The following NTRK3 variants were observed in gnomAD, a reference collection of about 807,000 sequenced individuals.
NTRK3 encodes NT-3 growth factor receptor.
Under a neutral mutation model 91.7 loss-of-function variants are expected in NTRK3, and 24 were observed. That is an observed-to-expected ratio of 0.26 (90% CI 0.19 to 0.37). The LOEUF is 0.37. Ranked by LOEUF, NTRK3 falls within the 10% of genes least tolerant of loss-of-function variation. NTRK3 has a pLI of 1.00. For missense variants in NTRK3, 880 were observed against 1,068.9 expected, an observed-to-expected ratio of 0.82 and a Z score of 2.46; for synonymous variants, 483 against 404.0, an observed-to-expected ratio of 1.20 and a Z score of -2.34.
intron 5 of NTRK3, among the ~76,000 whole-genome samples, chr15:88,156,985 G>C (rs1425380589): frequency 1.3e-5 from 2 of 152,076 alleles, no homozygotes; most frequent in East Asian, 3.9e-4. Context: ...AGTGCACAAA[G>C]AGACTCTGCA....
At chr15:88,135,777 G>A in intron 9 of NTRK3, 122 bp downstream of exon 9, 3 of 1,329,764 alleles carry the variant, frequency 2.3e-6, no homozygotes, top group Middle Eastern at 2.4e-4. Context: ...GAGTCCTTCT[G>A]TCCCTACTGG....
chr15:87,891,456 C>T (rs1022512415), intron 17 of NTRK3, among the ~76,000 whole-genome samples: 1 of 152,180 alleles, frequency 6.6e-6, no homozygotes, highest in Non-Finnish European at 1.5e-5. Flanking sequence ...AAACAAGGTA[C>T]ATTCAAGCAA....
intron 5 of NTRK3, among the ~76,000 whole-genome samples, chr15:88,161,240 T>C (rs1444224783): frequency 6.6e-6 from 1 of 152,158 alleles, no homozygotes; most frequent in Non-Finnish European, 1.5e-5. Flanking sequence ...TATCATCATC[T>C]CTGTTTTACA....
Position 88,233,588 on chromosome 15 carries a change from T to C in NTRK3, c.248+22318A>G, listed in dbSNP as rs1268999469. Among the ~76,000 whole-genome samples the C allele has an allele frequency of 6.6e-6, 1 of 152,160 alleles. No homozygotes were observed. On this transcript the variant is annotated intron_variant, in intron 3 of 18. Transcript: ENST00000394480. The surrounding 1 kb of genome is among the most constrained non-coding windows in gnomAD (Gnocchi z 4.2). ...CCACAGGCCTCCTTAATTTGCAGGC[T>C]AGCCCTACTGTCCTGAAACTCCAAA...
rs1172339991 is a variant in NTRK3 at position 87,884,253 on chromosome 15, T to C, written c.2134-3825A>G. Among the ~76,000 whole-genome samples the C allele has an allele frequency of 2.6e-5, 4 of 151,588 alleles. No individual in the cohort carries two copies. The East Asian group carries it at 7.7e-4, about 29-fold the overall frequency. ...ACTATTACATCCATAAATTTGAAAG[T>C]ATACATGCATTATTGGTTTACTAAA... On this transcript the variant is annotated intron_variant, in intron 17 of 18. Coordinates refer to ENST00000394480, the Ensembl canonical transcript of NTRK3.
At chr15:87,934,985 A>C (rs1256112543) in intron 15 of NTRK3, among the ~76,000 whole-genome samples, 1 of 152,202 alleles carries the variant, frequency 6.6e-6, no homozygotes, top group Non-Finnish European at 1.5e-5. Context: ...AAAAAAGTCG[A>C]AAGTTATCTA....
chr15:88,154,483 T>A (rs1221252011), intron 5 of NTRK3, among the ~76,000 whole-genome samples: 1 of 152,254 alleles, frequency 6.6e-6, no homozygotes, highest in Non-Finnish European at 1.5e-5. Context: ...ACATCATTGA[T>A]ATATTTGCTT....
At chr15:87,958,460 T>A (rs2071901712) in intron 14 of NTRK3, among the ~76,000 whole-genome samples, 1 of 151,992 alleles carries the variant, frequency 6.6e-6, no homozygotes, top group South Asian at 2.1e-4. Flanking sequence ...TGTCTAGTGG[T>A]CTTTCACGTG....
chr15:87,981,115 C>T, intron 14 of NTRK3: 1 of 1,516,578 alleles, frequency 6.6e-7, no homozygotes, highest in Non-Finnish European at 8.9e-7. Context: ...CTAGTCGTAC[C>T]TCAGTCCACG....
chr15:88,135,219 G>A (rs1042970361), exon 10 of NTRK3: 7 of 1,614,134 alleles, frequency 4.3e-6, no homozygotes, highest in African/African-American at 1.3e-5. Context: ...TGAAGAGCAG[G>A]CAGCCCTCGG....
At chr15:88,138,139 C>T (rs569922983) in intron 6 of NTRK3, among the ~76,000 whole-genome samples, 2 of 152,048 alleles carry the variant, frequency 1.3e-5, no homozygotes, top group South Asian at 2.1e-4. Flanking sequence ...CGTGGTGGCT[C>T]ACACCTGTAA....
rs1314895854 is a variant in NTRK3, at chr15:88,241,065, G to C, written c.248+14841C>G. Among the ~76,000 whole-genome samples, 1 of 152,192 alleles carries C rather than the reference G, an allele frequency of 6.6e-6. No individual in the cohort carries two copies. The highest frequency in any genetic ancestry group is 2.4e-5 in the African/African-American group (1 of 41,454). On this transcript the variant is annotated intron_variant, in intron 3 of 18. Transcript: ENST00000394480. This position sits in a 1 kb window ranked among gnomAD's most constrained non-coding sequence, Gnocchi z 4.3. Reference sequence around the variant, plus strand: ...GGTGGGGGCTCTTGGGGACAGAGCTGAATAAGCCTCAATGCCAGCCTTCAG... The same window carrying C: ...GGTGGGGGCTCTTGGGGACAGAGCTCAATAAGCCTCAATGCCAGCCTTCAG...
At position 88,255,164 on chromosome 15, in the gene NTRK3, T is replaced by G. The variant is rs1268912253; in HGVS notation, c.248+742A>C. Among the ~76,000 whole-genome samples the G allele has an allele frequency of 6.6e-6, 1 of 151,932 alleles. No individual in the cohort carries two copies. Among genetic ancestry groups the G allele is most frequent in the Non-Finnish European group, 1.5e-5 (1 of 68,004 alleles). On this transcript the variant is annotated intron_variant, in intron 3 of 18. Coordinates refer to ENST00000394480, the Ensembl canonical transcript of NTRK3. This position sits in a 1 kb window ranked among gnomAD's most constrained non-coding sequence, Gnocchi z 4.3. Reference sequence around the variant, plus strand: ...TCTCCTCTCCCTGCGCCATCCTGACTCGGAATAGTTCCGAGCAGTTATCAA... The same window carrying G: ...TCTCCTCTCCCTGCGCCATCCTGACGCGGAATAGTTCCGAGCAGTTATCAA...
chr15:88,027,476 G>A lies in NTRK3; in HGVS notation c.1585+5381C>T, dbSNP rs201614294. Among the ~76,000 whole-genome samples, 36 of 152,230 alleles carry A rather than the reference G, an allele frequency of 2.4e-4. 1 individual carries two copies. In the East Asian group the frequency reaches 6.4e-3, roughly 27 times the overall value. The stretch of plus-strand genomic sequence containing the variant: ...CGGCTCACTGCAAGCTCCGCCTCTC[G>A]GGTTCATGACATTCTCCTGCCTCAG... On this transcript the variant is annotated intron_variant, in intron 14 of 18. Transcript: ENST00000394480.
intron 6 of NTRK3, among the ~76,000 whole-genome samples, chr15:88,144,317 C>A (rs1341802493): frequency 6.6e-6 from 1 of 152,218 alleles, no homozygotes. Context: ...ATAAGAGGTA[C>A]GCCCCCCTGG....
chr15:88,062,234 G>A (rs1158936108), intron 13 of NTRK3, among the ~76,000 whole-genome samples: 1 of 152,146 alleles, frequency 6.6e-6, no homozygotes, highest in Non-Finnish European at 1.5e-5. Context: ...TGAATACTGA[G>A]GGACAACTGT....
chr15:88,126,514 C>T (rs1269612141), intron 12 of NTRK3, 141 bp from the exon 13 acceptor site: 4 of 603,630 alleles, frequency 6.6e-6, no homozygotes, highest in South Asian at 6.1e-5. Context: ...TGAGTAAGGT[C>T]TTTAGAAGAA....
In NTRK3 at chr15:88,031,519, G is replaced by A. The variant is rs565161438; in HGVS notation, c.1585+1338C>T. ...GTTCTGTGCTTCCCATGGTTTATCT[G>A]AAAAACAGGTATCTCTCTTCCTTGC... is the stretch of plus-strand genomic sequence containing the variant. On this transcript the variant is annotated intron_variant, in intron 14 of 18. Transcript: ENST00000394480. 2.8e-4 allele frequency among the ~76,000 whole-genome samples: 43 copies of A among 152,274 alleles called. No homozygotes were observed. In the East Asian group the frequency reaches 7.5e-3, roughly 27 times the overall value.
chr15:87,908,972 T>C (rs978727898), intron 17 of NTRK3, among the ~76,000 whole-genome samples: 1 of 152,058 alleles, frequency 6.6e-6, no homozygotes, highest in African/African-American at 2.4e-5. Flanking sequence ...GGAAGTGGGT[T>C]CTATCTAGAA....
Sources: allele counts gnomAD v4.1 joint callset (sites outside exome capture counted in the v4.1 genomes callset), GRCh38; gene constraint gnomAD v4.1.1; non-coding constraint Gnocchi (gnomAD v3.1); transcripts MANE v1.5; gene names NCBI Gene and HGNC (gene_info 2026-07-23, HGNC 2026-07-21).